The following SLC4A10 variants were observed in gnomAD, a reference collection of about 807,000 sequenced individuals.
SLC4A10 encodes solute carrier family 4 member 10.
SLC4A10 carries 42 observed loss-of-function variants against 137.7 expected under a neutral mutation model. That is an observed-to-expected ratio of 0.30 (90% CI 0.24 to 0.39). The LOEUF is 0.39. Among genes scored for constraint, SLC4A10 ranks in the 10% least tolerant of loss-of-function variants. The probability of loss-of-function intolerance (pLI) is 1.00; values close to 1 mark genes in which losing one functional copy is unlikely to be tolerated. For missense variants in SLC4A10, 925 were observed against 1,355.0 expected (o/e 0.68, Z 4.98); for synonymous variants, 474 against 464.1 (o/e 1.02, Z -0.27).
At chr2:161,883,631 C>A (rs1347637770) in intron 10 of SLC4A10, among the ~76,000 whole-genome samples, 1 of 152,204 alleles carries the variant, frequency 6.6e-6, no homozygotes, top group East Asian at 1.9e-4. Context: ...AGTTTGAAGT[C>A]AAGGTGTCAG....
intron 4 of SLC4A10, among the ~76,000 whole-genome samples, chr2:161,848,646 C>T (rs889543184): frequency 6.6e-6 from 1 of 152,086 alleles, no homozygotes; most frequent in African/African-American, 2.4e-5. Flanking sequence ...GAGTCCTTTC[C>T]TCATTGCTTA....
At chr2:161,732,042 G>A (rs1396688175) in intron 1 of SLC4A10, among the ~76,000 whole-genome samples, 1 of 152,174 alleles carries the variant, frequency 6.6e-6, no homozygotes, top group South Asian at 2.1e-4. Context: ...GCAAGGCATG[G>A]AAAAGAGTGC....
At chr2:161,961,898 G>A (rs1382709016) in intron 21 of SLC4A10, among the ~76,000 whole-genome samples, 2 of 152,162 alleles carry the variant, frequency 1.3e-5, no homozygotes, top group Non-Finnish European at 2.9e-5. Context: ...TTGATGAACA[G>A]GGTCTCACAC....
At chr2:161,959,608 AAGAG>A (rs992972741) in intron 21 of SLC4A10, among the ~76,000 whole-genome samples, 4 of 151,950 alleles carry the variant, frequency 2.6e-5, no homozygotes, top group South Asian at 4.1e-4. Context: ...AGCAATATAA[AAGAG>A]AGAGAGAGAG....
At chr2:161,827,764 G>C (rs1271066780) in intron 3 of SLC4A10, among the ~76,000 whole-genome samples, 1 of 151,840 alleles carries the variant, frequency 6.6e-6, no homozygotes, top group African/African-American at 2.4e-5. Flanking sequence ...ACGGGGTTTC[G>C]CCATGTTAGC....
chr2:161,785,933 C>T (rs929382005), intron 2 of SLC4A10, among the ~76,000 whole-genome samples: 3 of 151,836 alleles, frequency 2.0e-5, no homozygotes, highest in Non-Finnish European at 4.4e-5. Flanking sequence ...TTTATTAGGT[C>T]CATTTGGTCA....
At chr2:161,644,259 G>A (rs1019606050) in intron 1 of SLC4A10, among the ~76,000 whole-genome samples, 1 of 152,100 alleles carries the variant, frequency 6.6e-6, no homozygotes, top group Non-Finnish European at 1.5e-5. Context: ...CACTTTGGGA[G>A]ACTGAGGTGA....
At chr2:161,681,399 G>A (rs1258994894) in intron 1 of SLC4A10, among the ~76,000 whole-genome samples, 1 of 152,138 alleles carries the variant, frequency 6.6e-6, no homozygotes, top group Non-Finnish European at 1.5e-5. Flanking sequence ...TCTGAGGACA[G>A]AAATATTAAG....
At chr2:161,692,020 C>A (rs1309585936) in intron 1 of SLC4A10, among the ~76,000 whole-genome samples, 1 of 151,922 alleles carries the variant, frequency 6.6e-6, no homozygotes, top group East Asian at 1.9e-4. Flanking sequence ...TAACATGGAG[C>A]TTTAGAGGAC....
chr2:161,759,234 G>A (rs191634468), intron 1 of SLC4A10, among the ~76,000 whole-genome samples: 1 of 152,034 alleles, frequency 6.6e-6, no homozygotes, highest in East Asian at 1.9e-4. Flanking sequence ...TATTCAAGGT[G>A]TACAGTGATG....
intron 1 of SLC4A10, chr2:161,710,670 G>T (rs1416875893): frequency 2.2e-6 from 1 of 454,820 alleles, no homozygotes; most frequent in Non-Finnish European, 4.4e-6. Context: ...GCCCAGTAAT[G>T]ATTGGTCATC....
intron 24 of SLC4A10, among the ~76,000 whole-genome samples, chr2:161,975,791 G>A (rs1376497692): frequency 6.6e-6 from 1 of 152,210 alleles, no homozygotes; most frequent in Non-Finnish European, 1.5e-5. Flanking sequence ...GATAAGCAGA[G>A]GGAAGAGCAA....
At chr2:161,980,517 C>T (rs1024943242) in intron 26 of SLC4A10, among the ~76,000 whole-genome samples, 4 of 152,034 alleles carry the variant, frequency 2.6e-5, no homozygotes, top group South Asian at 2.1e-4. Flanking sequence ...GGTATGGTAA[C>T]GCACACCTGT....
At chr2:161,847,230 G>A (rs1009820905) in intron 4 of SLC4A10, among the ~76,000 whole-genome samples, 4 of 151,840 alleles carry the variant, frequency 2.6e-5, no homozygotes, top group Admixed American at 6.6e-5. Context: ...ATGACAGAGT[G>A]AGACTATGTC....
At chr2:161,826,889 T>C (rs541516203) in intron 3 of SLC4A10, among the ~76,000 whole-genome samples, 2 of 152,332 alleles carry the variant, frequency 1.3e-5, no homozygotes, top group East Asian at 1.9e-4. Context: ...ACAGTTCTCA[T>C]TGACCACCCT....
chr2:161,845,395 T>G (rs1051331272), intron 4 of SLC4A10, among the ~76,000 whole-genome samples: 1 of 152,076 alleles, frequency 6.6e-6, no homozygotes, highest in East Asian at 1.9e-4. Flanking sequence ...CACCTTTTTA[T>G]GGAAAGTACC....
intron 1 of SLC4A10, among the ~76,000 whole-genome samples, chr2:161,722,278 T>G (rs1398356278): frequency 1.3e-5 from 2 of 152,198 alleles, no homozygotes; most frequent in Non-Finnish European, 2.9e-5. Flanking sequence ...TTTTGAGTTT[T>G]CAGAATGTTT....
intron 1 of SLC4A10, among the ~76,000 whole-genome samples, chr2:161,732,240 G>T (rs947470073): frequency 2.6e-5 from 4 of 152,264 alleles, no homozygotes; most frequent in Non-Finnish European, 4.4e-5. Flanking sequence ...CCAGAGGTTG[G>T]GGGGTGGAGC....
chr2:161,959,303 G>C (rs1371085284), intron 21 of SLC4A10, among the ~76,000 whole-genome samples: 3 of 152,212 alleles, frequency 2.0e-5, no homozygotes, highest in Non-Finnish European at 4.4e-5. Flanking sequence ...AATTATTTAA[G>C]TAAGTATTGG....
Sources: gnomAD v4.1 joint callset for allele counts (sites outside exome capture counted in the v4.1 genomes callset) on GRCh38, gnomAD v4.1.1 for gene constraint, MANE v1.5 for transcripts, NCBI Gene and HGNC (gene_info 2026-07-23, HGNC 2026-07-21) for gene names.